YBX1: variants seen among roughly 807,000 people sequenced by gnomAD.
YBX1 encodes Y-box binding protein 1.
Under a neutral mutation model 41.4 loss-of-function variants are expected in YBX1, and 3 were observed. That is an observed-to-expected ratio of 0.07 (90% CI 0.03 to 0.19). The LOEUF (loss-of-function observed/expected upper bound fraction) is 0.19, where lower values mean the gene tolerates loss of function less well. Among genes scored for constraint, YBX1 ranks in the 10% least tolerant of loss-of-function variants. The pLI is 1.00. For missense variants in YBX1, 274 were observed against 462.8 expected, an observed-to-expected ratio of 0.59 and a Z score of 3.74; for synonymous variants, 133 against 165.8, an observed-to-expected ratio of 0.80 and a Z score of 1.52.
chr1:42,692,123 CG>C lies in YBX1; in HGVS notation c.231-1365del, dbSNP rs530689285. ...GATTGCAGGCGTGAGCCACTGCACC[CG>C]GACTGGAAAAACTTTAAATACCCTG... is the stretch of plus-strand genomic sequence containing the variant. On this transcript the variant is annotated intron_variant, in intron 2 of 7. Coordinates refer to ENST00000321358, the MANE Select transcript of YBX1 (RefSeq NM_004559.5). 6.6e-5 allele frequency among the ~76,000 whole-genome samples: 10 copies of C among 152,302 alleles called. No individual in the cohort carries two copies. In the East Asian group the frequency reaches 1.9e-3, roughly 29 times the overall value.
In YBX1 at chr1:42,682,639, C is replaced by T; in HGVS notation, c.74C>T (p.Thr25Ile). The change falls in exon 1 of 8, where the codon ACC becomes ATC. Residue 25 changes from threonine (T) to isoleucine (I), a missense_variant. Thr to Ile is a moderately conservative substitution (Grantham distance 89). Transcript: ENST00000321358. Reference protein sequence around the residue: ...PAAPALSAADTKPGTTGSGAG... With the variant: ...PAAPALSAADIKPGTTGSGAG... Reference sequence around the variant, plus strand: ...GCCCCCGCCCTCAGCGCCGCCGACACCAAGCCCGGCACTACGGGCAGCGGC... The same window carrying T: ...GCCCCCGCCCTCAGCGCCGCCGACATCAAGCCCGGCACTACGGGCAGCGGC... 1.1e-5 allele frequency: 15 copies of T among 1,390,864 alleles called. No homozygotes were observed. Among genetic ancestry groups the T allele is most frequent in the Non-Finnish European group, 1.4e-5 (15 of 1,078,698 alleles). 86.2% of individuals were successfully genotyped at this position (1,390,864 alleles called of 1,614,324 possible).
At chr1:42,686,707 GA>G (rs1650205975) in intron 2 of YBX1, among the ~76,000 whole-genome samples, 1 of 152,188 alleles carries the variant, frequency 6.6e-6, no homozygotes, top group Admixed American at 6.5e-5. Context: ...GGTGAAAATA[GA>G]TACAGCTAAC....
In YBX1 at chr1:42,703,336, A is replaced by G. The variant is rs11210698; in HGVS notation, c.*1387A>G. The stretch of plus-strand genomic sequence containing the variant: ...CGAAACACTCCAGATCATCCTGGCC[A>G]GCTATCAGGGCCCAGGGGAAGCAGA... On this transcript the variant is annotated 3_prime_UTR_variant, in exon 8 of 8. Coordinates refer to ENST00000321358, the MANE Select transcript of YBX1 (RefSeq NM_004559.5). 0.41 allele frequency among the ~76,000 whole-genome samples: 62,443 copies of G among 151,752 alleles called. 13,083 individuals are homozygous for G. Among genetic ancestry groups the G allele is most frequent in the Non-Finnish European group, 0.44 (29,790 of 67,944 alleles).
chr1:42,698,756 G>C (rs1303891185), intron 6 of YBX1, among the ~76,000 whole-genome samples: 1 of 152,168 alleles, frequency 6.6e-6, no homozygotes, highest in Non-Finnish European at 1.5e-5. Flanking sequence ...GTTTAAGTTA[G>C]ACTTAATGTC....
At chr1:42,699,816 A>G (rs551377881) in intron 6 of YBX1, among the ~76,000 whole-genome samples, 32 of 152,272 alleles carry the variant, frequency 2.1e-4, no homozygotes, top group African/African-American at 5.8e-4. Context: ...GAAAACAATA[A>G]GGAATTACCT....
chr1:42,692,776 C>T (rs1202200794), intron 2 of YBX1, among the ~76,000 whole-genome samples: 1 of 152,202 alleles, frequency 6.6e-6, no homozygotes, highest in Non-Finnish European at 1.5e-5. Flanking sequence ...TCACCTTAAT[C>T]CCAATATCCA....
At chr1:42,701,230 A>G (rs904835804) in intron 7 of YBX1, among the ~76,000 whole-genome samples, 184 bp downstream of exon 7, 1 of 152,178 alleles carries the variant, frequency 6.6e-6, no homozygotes, top group African/African-American at 2.4e-5. Context: ...TATCAGAGTC[A>G]TATTTGGCCA....
intron 2 of YBX1, among the ~76,000 whole-genome samples, chr1:42,687,172 C>T (rs1439403763): frequency 1.3e-5 from 2 of 152,010 alleles, no homozygotes; most frequent in East Asian, 3.8e-4. Flanking sequence ...AAAGGACTTG[C>T]TTAATTCCTG....
chr1:42,695,455 C>T (rs1255630702), intron 3 of YBX1, among the ~76,000 whole-genome samples: 1 of 152,224 alleles, frequency 6.6e-6, no homozygotes, highest in Non-Finnish European at 1.5e-5. Flanking sequence ...AATACTTTCA[C>T]ATGTCCTGTC....
At chr1:42,694,343 G>A (rs1485538353) in intron 3 of YBX1, among the ~76,000 whole-genome samples, 1 of 152,118 alleles carries the variant, frequency 6.6e-6, no homozygotes, top group African/African-American at 2.4e-5. Context: ...ATATGCTGTA[G>A]GCTACATTGA....
In YBX1 at chr1:42,701,049, A is replaced by G. The variant is rs878992995; in HGVS notation, c.*31+3A>G. ...TTACCATCTCTACCATCATCCGGGT[A>G]AGCAAGCTTGGATGGCCATCCATTT... On this transcript the variant is annotated splice_donor_region_variant and intron_variant, in intron 7 of 7. Transcript: ENST00000321358. The G allele has an allele frequency of 6.2e-7, 1 of 1,608,148 alleles. No individual in the cohort carries two copies. Among genetic ancestry groups the G allele is most frequent in the Non-Finnish European group, 8.5e-7 (1 of 1,175,054 alleles).
Position 42,696,061 on chromosome 1 carries a change from T to G in YBX1, c.265-138T>G. 1.6e-6 allele frequency: 1 copy of G among 633,360 alleles called. No homozygotes were observed. Among genetic ancestry groups the G allele is most frequent in the South Asian group, 3.4e-5 (1 of 29,664 alleles). 39.2% of individuals were successfully genotyped at this position (633,360 alleles called of 1,614,324 possible). A position where few individuals can be genotyped will look rare whatever the true frequency, so the allele number is the denominator to read the frequency against. ...TAGTGTGGTCCCCGCTTTCCTAAAT[T>G]TATTGATGGTTTGGTCTTATTTAAA... On this transcript the variant is annotated intron_variant, in intron 3 of 7. Transcript: ENST00000321358. This position sits in a 1 kb window ranked among gnomAD's most constrained non-coding sequence, Gnocchi z 5.7.
At position 42,703,222 on chromosome 1, in the gene YBX1, C is replaced by T. The variant is rs1650649304; in HGVS notation, c.*1273C>T. Among the ~76,000 whole-genome samples the T allele has an allele frequency of 6.6e-6, 1 of 152,144 alleles. No individual in the cohort carries two copies. The highest frequency in any genetic ancestry group is 1.5e-5 in the Non-Finnish European group (1 of 68,030). On this transcript the variant is annotated 3_prime_UTR_variant, in exon 8 of 8. Transcript: ENST00000321358. ...TACAGGTGTGAGCCACCGCACCTGG[C>T]CTCTCTGGCTTTTGTTTTCTAATGT...
chr1:42,701,762 C>T (rs549952910), intron 7 of YBX1, among the ~76,000 whole-genome samples: 21 of 152,224 alleles, frequency 1.4e-4, no homozygotes, highest in African/African-American at 4.6e-4. Flanking sequence ...TTTTTCATTT[C>T]GCTTTTTACA....
chr1:42,697,011 T>G (rs1428671711), intron 5 of YBX1, 67 bp downstream of exon 5: 13 of 1,485,784 alleles, frequency 8.7e-6, no homozygotes, highest in Non-Finnish European at 1.2e-5. Context: ...CTGTTAATTA[T>G]ATGGAAAGCA....
chr1:42,690,595 A>G (rs958041190), intron 2 of YBX1, among the ~76,000 whole-genome samples: 1 of 152,202 alleles, frequency 6.6e-6, no homozygotes, highest in African/African-American at 2.4e-5. Flanking sequence ...CAGACTGTGC[A>G]GGTGGCCAAG....
intron 1 of YBX1, 30 bp downstream of exon 1, chr1:42,682,761 C>A: frequency 4.2e-6 from 5 of 1,192,870 alleles, no homozygotes; most frequent in Non-Finnish European, 5.2e-6. Context: ...GGGGGTGGGG[C>A]CCTCGGGCAG....
chr1:42,693,390 G>C, intron 2 of YBX1, 100 bp from the exon 3 acceptor site: 2 of 1,392,062 alleles, frequency 1.4e-6, no homozygotes, highest in South Asian at 1.2e-5. Flanking sequence ...AAATTTCCTG[G>C]TACCTAATTG....
chr1:42,692,295 T>C (rs1247650318), intron 2 of YBX1, among the ~76,000 whole-genome samples: 1 of 152,188 alleles, frequency 6.6e-6, no homozygotes, highest in African/African-American at 2.4e-5. Flanking sequence ...AACTAATAAA[T>C]GATGGCTGTA....
Sources: gnomAD v4.1 joint callset for allele counts (sites outside exome capture counted in the v4.1 genomes callset) on GRCh38, gnomAD v4.1.1 for gene constraint, Gnocchi (gnomAD v3.1) non-coding constraint, MANE v1.5 for transcripts, NCBI Gene and HGNC (gene_info 2026-07-23, HGNC 2026-07-21) for gene names.